Variants in CSDC2 observed in about 807,000 individuals in gnomAD.
The protein encoded by CSDC2 is cold shock domain-containing protein C2.
In CSDC2, 8 loss-of-function variants were observed where a neutral mutation model predicts 15.8. The observed-to-expected ratio is 0.51, with a 90% CI of 0.30 to 0.92. The LOEUF is 0.92. Ranked by LOEUF, CSDC2 falls within the 40% of genes least tolerant of loss-of-function variation. The pLI is 0.07. For missense variants in CSDC2, 195 were observed against 213.3 expected (o/e 0.91, Z 0.53); for synonymous variants, 96 against 92.3 (o/e 1.04, Z -0.23).
chr22:41,566,360 C>G (rs1031444962), intron 1 of CSDC2, among the ~76,000 whole-genome samples: 20 of 149,130 alleles, frequency 1.3e-4, no homozygotes, highest in African/African-American at 4.2e-4. Flanking sequence ...AGAAGAATCG[C>G]TTGAACCCCA....
At position 41,575,951 on chromosome 22, in the gene CSDC2, C is replaced by A. The variant is rs2067173108; in HGVS notation, c.*1056C>A. 6.6e-6 allele frequency: 1 copy of A among 152,302 alleles called. No individual in the cohort carries two copies. The allele number at this position is 152,302 out of a possible 1,614,324, so 9.4% of individuals were successfully genotyped here. On this transcript the variant is annotated 3_prime_UTR_variant, in exon 4 of 4. Transcript: ENST00000306149. The stretch of plus-strand genomic sequence containing the variant: ...CTTTTGGGGCCAAGATGTGTGTGCA[C>A]CCGGGGTCGTGGCCATTCACTCCCA...
In CSDC2 at chr22:41,575,053, G is replaced by A. The variant is rs1602000103; in HGVS notation, c.*158G>A. On this transcript the variant is annotated 3_prime_UTR_variant, in exon 4 of 4. Coordinates refer to ENST00000306149, the MANE Select transcript of CSDC2 (RefSeq NM_014460.4). ...CGTCTGTGCTTGTGGCTATGAGCGT[G>A]TGCCTCCACCCACCCCACGACCCGT... 5 of 910,564 alleles carry A rather than the reference G, an allele frequency of 5.5e-6. No individual in the cohort carries two copies. The highest frequency in any genetic ancestry group is 8.1e-6 in the Non-Finnish European group (5 of 614,682). 56.4% of individuals were successfully genotyped at this position (910,564 alleles called of 1,614,324 possible).
At chr22:41,562,795 C>T (rs180988445) in intron 1 of CSDC2, among the ~76,000 whole-genome samples, 1 of 152,248 alleles carries the variant, frequency 6.6e-6, no homozygotes, top group Non-Finnish European at 1.5e-5. Flanking sequence ...GCTCTTCTGC[C>T]CCACAGCCAG....
At position 41,574,925 on chromosome 22, in the gene CSDC2, G is replaced by T; in HGVS notation, c.*30G>T. 6.4e-7 allele frequency: 1 copy of T among 1,556,748 alleles called. No homozygotes were observed. Among genetic ancestry groups the T allele is most frequent in the Non-Finnish European group, 8.7e-7 (1 of 1,150,976 alleles). On this transcript the variant is annotated 3_prime_UTR_variant, in exon 4 of 4. Coordinates refer to ENST00000306149, the MANE Select transcript of CSDC2 (RefSeq NM_014460.4). Reference sequence around the variant, plus strand: ...AGTGGTTCACAGGCCAGCTGGCCGGGGGTTGGGGAGCCACACAGGGTGAAC... The same window carrying T: ...AGTGGTTCACAGGCCAGCTGGCCGGTGGTTGGGGAGCCACACAGGGTGAAC...
At chr22:41,573,852 G>A in intron 3 of CSDC2, 75 bp downstream of exon 3, 1 of 1,533,394 alleles carries the variant, frequency 6.5e-7, no homozygotes, top group Non-Finnish European at 8.9e-7. Flanking sequence ...TGGCTCTCCA[G>A]GCCTCTCCTC....
In CSDC2 at chr22:41,571,871, A is replaced by T; in HGVS notation, c.-95A>T. ...GAGCCCGTGGCTGGTGAGGCCGCAG[A>T]GCAGGGCCAGGCCGGGCCCTGCCCG... On this transcript the variant is annotated 5_prime_UTR_variant, in exon 2 of 4. Coordinates refer to ENST00000306149, the MANE Select transcript of CSDC2 (RefSeq NM_014460.4). 1 of 800,412 alleles carries T rather than the reference A, an allele frequency of 1.2e-6. No homozygotes were observed. The highest frequency in any genetic ancestry group is 1.8e-6 in the Non-Finnish European group (1 of 569,330). The allele number at this position is 800,412 out of a possible 1,614,324, so 49.6% of individuals were successfully genotyped here.
intron 1 of CSDC2, among the ~76,000 whole-genome samples, chr22:41,566,441 TAAAAAAAAAAAAA>T (rs754976750): frequency 8.7e-5 from 4 of 45,804 alleles, no homozygotes; most frequent in African/African-American, 2.0e-4. Context: ...AGACTCCATC[TAAAAAAAAAAAAA>T]AAAAAAAAAA....
chr22:41,570,078 C>G (rs560790956), intron 1 of CSDC2, among the ~76,000 whole-genome samples: 2 of 152,088 alleles, frequency 1.3e-5, no homozygotes, highest in Admixed American at 6.5e-5. Flanking sequence ...CCACACCCGG[C>G]TGTTTGTGTG....
At chr22:41,570,484 G>A (rs187959745) in intron 1 of CSDC2, among the ~76,000 whole-genome samples, 12 of 152,238 alleles carry the variant, frequency 7.9e-5, no homozygotes, top group Admixed American at 3.9e-4. Context: ...GAACCTTACA[G>A]GAACCTTGTG....
At chr22:41,561,779 C>A (rs946182574) in intron 1 of CSDC2, among the ~76,000 whole-genome samples, 9 of 152,248 alleles carry the variant, frequency 5.9e-5, no homozygotes, top group Non-Finnish European at 1.2e-4. Context: ...CGAGCCCTTG[C>A]TTCTTGCCTG....
In CSDC2 at chr22:41,572,039, T is replaced by C. The variant is rs1601997523; in HGVS notation, c.74T>C (p.Phe25Ser). The C allele has an allele frequency of 1.5e-6, 2 of 1,361,754 alleles. No homozygotes were observed. Among genetic ancestry groups the C allele is most frequent in the South Asian group, 4.0e-5 (2 of 49,612 alleles). The allele number at this position is 1,361,754 out of a possible 1,614,324, so 84.4% of individuals were successfully genotyped here. A position where few individuals can be genotyped will look rare whatever the true frequency, so the allele number is the denominator to read the frequency against. ...HSPKSPVWPT[F>S]PFHREGSRVW... ...CCCAAGTCCCCAGTCTGGCCCACCT[T>C]CCCCTTCCACAGGGAGGGCAGCAGG... The change falls in exon 2 of 4, where the codon TTC becomes TCC. Residue 25 changes from phenylalanine (F) to serine (S), a missense_variant. Physicochemically the swap from Phe to Ser is radical, Grantham distance 155 (BLOSUM62 -2). Transcript: ENST00000306149.
chr22:41,574,545 G>A (rs1255864367), intron 3 of CSDC2, among the ~76,000 whole-genome samples, 188 bp from the exon 4 acceptor site: 4 of 152,224 alleles, frequency 2.6e-5, no homozygotes, highest in Admixed American at 1.3e-4. Context: ...GATTACAGGC[G>A]TGAGCCACTG....
intron 1 of CSDC2, among the ~76,000 whole-genome samples, chr22:41,568,184 G>C (rs936184602): frequency 2.9e-5 from 4 of 138,806 alleles, no homozygotes; most frequent in African/African-American, 1.1e-4. Context: ...TAGTGCAGTA[G>C]CTTGATTACC....
Position 41,574,713 on chromosome 22 carries a change from C to T in CSDC2, c.300-20C>T, listed in dbSNP as rs779381611. The T allele has an allele frequency of 3.1e-6, 5 of 1,612,068 alleles. No individual in the cohort carries two copies. Among genetic ancestry groups the T allele is most frequent in the Non-Finnish European group, 4.2e-6 (5 of 1,179,394 alleles). ...CACAGGGCCTGCTGCTGGGCTAATA[C>T]CCCTCTTCCTGCCCGCCAGCATCGA... On this transcript the variant is annotated intron_variant, in intron 3 of 3. Coordinates refer to ENST00000306149, the MANE Select transcript of CSDC2 (RefSeq NM_014460.4).
intron 1 of CSDC2, among the ~76,000 whole-genome samples, chr22:41,566,466 A>ACAC (rs1414333876): frequency 7.5e-6 from 1 of 133,864 alleles, no homozygotes; most frequent in African/African-American, 2.9e-5. Context: ...AAAAAAAAAA[A>ACAC]ACACACAAAA....
intron 1 of CSDC2, among the ~76,000 whole-genome samples, chr22:41,567,524 C>A (rs1032634995): frequency 6.6e-6 from 1 of 152,280 alleles, no homozygotes; most frequent in Admixed American, 6.5e-5. Flanking sequence ...GGGGTCTGAA[C>A]TGGAGGGTTG....
chr22:41,572,646 C>G (rs537008526), intron 2 of CSDC2, among the ~76,000 whole-genome samples: 1 of 152,020 alleles, frequency 6.6e-6, no homozygotes, highest in African/African-American at 2.4e-5. Flanking sequence ...GGGTGAGGAC[C>G]CAGCATGGGG....
chr22:41,573,992 G>A (rs1025158101), intron 3 of CSDC2, among the ~76,000 whole-genome samples: 3 of 152,214 alleles, frequency 2.0e-5, no homozygotes, highest in Admixed American at 6.5e-5. Context: ...GGGAGCCAGC[G>A]GCTGGGCCCT....
Position 41,575,853 on chromosome 22 carries a change from G to C in CSDC2, c.*958G>C, listed in dbSNP as rs1020907452. On this transcript the variant is annotated 3_prime_UTR_variant, in exon 4 of 4. Coordinates refer to ENST00000306149, the MANE Select transcript of CSDC2 (RefSeq NM_014460.4). ...AAACTCTCTTCCCAAAGCCCTAACA[G>C]ACCAGTGGCCGAGGTGTGGCTCTTA... 1 of 152,374 alleles carries C rather than the reference G, an allele frequency of 6.6e-6. No individual in the cohort carries two copies. Among genetic ancestry groups the C allele is most frequent in the African/African-American group, 2.4e-5 (1 of 41,466 alleles). The allele number at this position is 152,374 out of a possible 1,614,324, so 9.4% of individuals were successfully genotyped here. A position where few individuals can be genotyped will look rare whatever the true frequency, so the allele number is the denominator to read the frequency against.
Sources: allele counts gnomAD v4.1 joint callset (sites outside exome capture counted in the v4.1 genomes callset), GRCh38; gene constraint gnomAD v4.1.1; transcripts MANE v1.5; gene names NCBI Gene and HGNC (gene_info 2026-07-23, HGNC 2026-07-21).